CCSER1: variants seen among roughly 807,000 people sequenced by gnomAD.
CCSER1 encodes coiled-coil serine rich protein 1.
A neutral mutation model predicts 82.0 loss-of-function variants in CCSER1; 41 were observed. The observed-to-expected ratio is 0.50, with a 90% CI of 0.39 to 0.65. The LOEUF (loss-of-function observed/expected upper bound fraction) is 0.65, where lower values mean the gene tolerates loss of function less well. Among genes scored for constraint, CCSER1 ranks in the 30% least tolerant of loss-of-function variants. The probability of loss-of-function intolerance (pLI) is 0.00; values close to 1 mark genes in which losing one functional copy is unlikely to be tolerated. For synonymous variants in CCSER1, 414 were observed against 383.9 expected, an observed-to-expected ratio of 1.08 and a Z score of -0.92; for missense variants, 1,119 against 1,064.2, an observed-to-expected ratio of 1.05 and a Z score of -0.72.
intron 5 of CCSER1, among the ~76,000 whole-genome samples, chr4:90,562,942 TATA>T (rs1778955738): frequency 6.6e-6 from 1 of 151,854 alleles, no homozygotes; most frequent in South Asian, 2.1e-4. Flanking sequence ...GATAATTTCT[TATA>T]ATATTTAAAG....
At chr4:90,162,834 A>C (rs1193898947) in intron 1 of CCSER1, among the ~76,000 whole-genome samples, 1 of 152,142 alleles carries the variant, frequency 6.6e-6, no homozygotes, top group East Asian at 1.9e-4. Flanking sequence ...TCAGTACTTG[A>C]ATATAAACAT....
intron 9 of CCSER1, among the ~76,000 whole-genome samples, chr4:90,996,055 A>AT (rs1280454188): frequency 6.6e-6 from 1 of 152,100 alleles, no homozygotes; most frequent in Non-Finnish European, 1.5e-5. Flanking sequence ...ATATTTTATT[A>AT]TAGTCCAACA....
At chr4:90,559,298 A>G (rs1778457832) in intron 5 of CCSER1, among the ~76,000 whole-genome samples, 1 of 152,146 alleles carries the variant, frequency 6.6e-6, no homozygotes, top group Non-Finnish European at 1.5e-5. Flanking sequence ...GAAATTTCTT[A>G]GGAGTAATTT....
intron 10 of CCSER1, among the ~76,000 whole-genome samples, chr4:91,238,537 G>A (rs961070767): frequency 1.3e-5 from 2 of 152,154 alleles, no homozygotes; most frequent in African/African-American, 4.8e-5. Flanking sequence ...TAAAATGGTG[G>A]TAGTTTGTTC....
chr4:90,686,873 C>T (rs944749340), intron 6 of CCSER1, among the ~76,000 whole-genome samples: 2 of 152,124 alleles, frequency 1.3e-5, no homozygotes, highest in African/African-American at 2.4e-5. Context: ...AGCATATTTC[C>T]GGTGACATAT....
chr4:91,592,721 A>G (rs1560786936), intron 10 of CCSER1, among the ~76,000 whole-genome samples: 1 of 152,098 alleles, frequency 6.6e-6, no homozygotes, highest in Non-Finnish European at 1.5e-5. Flanking sequence ...TCTGTTTAAC[A>G]TTAGTTATTT....
At chr4:90,158,415 A>G (rs1000330258) in intron 1 of CCSER1, among the ~76,000 whole-genome samples, 6 of 152,192 alleles carry the variant, frequency 3.9e-5, no homozygotes, top group Non-Finnish European at 7.4e-5. Context: ...AAGCTGTCAG[A>G]CAGGGACATT....
At chr4:91,596,277 G>A (rs1055977735) in intron 10 of CCSER1, among the ~76,000 whole-genome samples, 15 of 151,906 alleles carry the variant, frequency 9.9e-5, no homozygotes, top group African/African-American at 2.9e-4. Context: ...TCCCTCAAAG[G>A]TAATATTAAA....
intron 10 of CCSER1, among the ~76,000 whole-genome samples, chr4:91,414,370 A>C (rs887532674): frequency 2.6e-5 from 4 of 152,148 alleles, no homozygotes; most frequent in East Asian, 3.8e-4. Context: ...AAATTTTATA[A>C]CACTAAGATG....
chr4:91,180,604 T>C (rs1407956787), intron 10 of CCSER1, among the ~76,000 whole-genome samples: 1 of 152,238 alleles, frequency 6.6e-6, no homozygotes, highest in African/African-American at 2.4e-5. Context: ...TGGGACCATC[T>C]GAGCCAGGCA....
At chr4:91,283,439 G>A (rs1743063147) in intron 10 of CCSER1, among the ~76,000 whole-genome samples, 2 of 152,032 alleles carry the variant, frequency 1.3e-5, no homozygotes, top group African/African-American at 4.8e-5. Context: ...AAAAGATTTT[G>A]AGAAAATGTT....
intron 10 of CCSER1, among the ~76,000 whole-genome samples, chr4:91,471,554 C>T (rs1008354330): frequency 6.6e-6 from 1 of 152,150 alleles, no homozygotes; most frequent in African/African-American, 2.4e-5. Flanking sequence ...GAGACACGGT[C>T]TGCTTGTTTT....
chr4:90,872,407 A>G (rs1488998747), intron 8 of CCSER1, among the ~76,000 whole-genome samples: 1 of 151,936 alleles, frequency 6.6e-6, no homozygotes, highest in Non-Finnish European at 1.5e-5. Context: ...TGCAAATAAC[A>G]TCTTATAACA....
chr4:91,460,298 A>G (rs111644108), intron 10 of CCSER1, among the ~76,000 whole-genome samples: 3,949 of 152,184 alleles, frequency 0.026, 154 homozygotes, highest in African/African-American at 0.09. Context: ...AACATCTCAG[A>G]TTTCAAAGTC....
At chr4:91,505,427 T>C (rs1014651700) in intron 10 of CCSER1, among the ~76,000 whole-genome samples, 1 of 152,222 alleles carries the variant, frequency 6.6e-6, no homozygotes, top group South Asian at 2.1e-4. Flanking sequence ...ATCTGTATAA[T>C]AGAATGAATT....
intron 8 of CCSER1, among the ~76,000 whole-genome samples, chr4:90,870,423 A>G (rs545887334): frequency 6.6e-6 from 1 of 151,760 alleles, no homozygotes; most frequent in Non-Finnish European, 1.5e-5. Flanking sequence ...AGTTTTATTA[A>G]ATTCTTTTTC....
chr4:90,478,420 G>A (rs1765391986), intron 5 of CCSER1, among the ~76,000 whole-genome samples: 2 of 152,092 alleles, frequency 1.3e-5, no homozygotes, highest in East Asian at 3.9e-4. Flanking sequence ...GAAATATTGT[G>A]TGTGTAGGAT....
At chr4:90,201,926 C>G (rs942834189) in intron 1 of CCSER1, among the ~76,000 whole-genome samples, 1 of 152,086 alleles carries the variant, frequency 6.6e-6, no homozygotes, top group East Asian at 1.9e-4. Context: ...TCATATACTT[C>G]AGGTTACTAT....
At chr4:90,668,201 T>A (rs1244403937) in intron 6 of CCSER1, among the ~76,000 whole-genome samples, 1 of 151,960 alleles carries the variant, frequency 6.6e-6, no homozygotes, top group Non-Finnish European at 1.5e-5. Context: ...ACAGAGGAGG[T>A]CAAATGATTT....
Sources: allele counts gnomAD v4.1 joint callset (sites outside exome capture counted in the v4.1 genomes callset), GRCh38; gene constraint gnomAD v4.1.1; transcripts MANE v1.5; gene names NCBI Gene and HGNC (gene_info 2026-07-23, HGNC 2026-07-21).